The following BMP2K variants were observed in gnomAD, a reference collection of about 807,000 sequenced individuals.
The protein encoded by BMP2K is BMP2 inducible kinase.
Under a neutral mutation model 116.0 loss-of-function variants are expected in BMP2K, and 74 were observed. The observed-to-expected ratio is 0.64, with a 90% CI of 0.53 to 0.77. BMP2K has a LOEUF of 0.77. Among genes scored for constraint, BMP2K ranks in the 30% least tolerant of loss-of-function variants. The pLI, the probability that BMP2K is intolerant of heterozygous loss-of-function variation, is 0.00. For synonymous variants in BMP2K, 486 were observed against 502.5 expected (o/e 0.97, Z 0.44); for missense variants, 1,365 against 1,403.6 (o/e 0.97, Z 0.44).
intron 1 of BMP2K, among the ~76,000 whole-genome samples, chr4:78,822,463 T>C (rs1382826713): frequency 6.6e-6 from 1 of 152,176 alleles, no homozygotes; most frequent in Non-Finnish European, 1.5e-5. Flanking sequence ...ATACCAATTA[T>C]TTTTCTTATT....
intron 8 of BMP2K, among the ~76,000 whole-genome samples, chr4:78,860,947 C>T (rs187999851): frequency 6.6e-6 from 1 of 151,926 alleles, no homozygotes; most frequent in Non-Finnish European, 1.5e-5. Flanking sequence ...GACAAATAAA[C>T]AAGGCCTTCT....
intron 1 of BMP2K, among the ~76,000 whole-genome samples, chr4:78,821,961 A>G (rs1259660387): frequency 6.6e-6 from 1 of 152,242 alleles, no homozygotes; most frequent in East Asian, 1.9e-4. Context: ...ATTGCTTAAT[A>G]GAAGGAATAA....
At chr4:78,802,737 A>G (rs1728626112) in intron 1 of BMP2K, among the ~76,000 whole-genome samples, 2 of 152,000 alleles carry the variant, frequency 1.3e-5, no homozygotes, top group African/African-American at 4.8e-5. Context: ...TGTAGTTTTT[A>G]TGTATACACA....
At chr4:78,875,972 A>G (rs1732612332) in intron 13 of BMP2K, among the ~76,000 whole-genome samples, 1 of 152,138 alleles carries the variant, frequency 6.6e-6, no homozygotes, top group Non-Finnish European at 1.5e-5. Flanking sequence ...CATTTGTTAG[A>G]ATTGAGTCAC....
intron 15 of BMP2K, chr4:78,899,154 T>C (rs1733867125): frequency 6.6e-6 from 1 of 152,242 alleles, no homozygotes; most frequent in Admixed American, 6.5e-5. Flanking sequence ...ACCCCTTCTC[T>C]TAAAGTAAGT....
At chr4:78,876,335 G>T (rs1335843906) in intron 13 of BMP2K, among the ~76,000 whole-genome samples, 1 of 152,092 alleles carries the variant, frequency 6.6e-6, no homozygotes, top group African/African-American at 2.4e-5. Flanking sequence ...TCACACAGAG[G>T]CAGGCTCAGA....
chr4:78,868,119 C>T (rs115037829), intron 10 of BMP2K, among the ~76,000 whole-genome samples: 153 of 152,170 alleles, frequency 1.0e-3, no homozygotes, highest in African/African-American at 3.5e-3. Flanking sequence ...CGTATTAGTT[C>T]GTTTTCATGC....
chr4:78,811,831 A>C (rs1729106594), intron 1 of BMP2K, among the ~76,000 whole-genome samples: 1 of 152,182 alleles, frequency 6.6e-6, no homozygotes, highest in South Asian at 2.1e-4. Flanking sequence ...GCTTACAAAA[A>C]CCCATATTTT....
chr4:78,893,215 C>T (rs1204397394), intron 15 of BMP2K, among the ~76,000 whole-genome samples: 1 of 152,146 alleles, frequency 6.6e-6, no homozygotes, highest in Non-Finnish European at 1.5e-5. Context: ...CTCAAGAAAC[C>T]ACTTCTTTGC....
Position 78,865,375 on chromosome 4 carries a change from A to G in BMP2K, c.1068-182A>G, listed in dbSNP as rs1335402874. Among the ~76,000 whole-genome samples, 20 of 152,038 alleles carry G rather than the reference A, an allele frequency of 1.3e-4. 1 individual carries two copies. Among genetic ancestry groups the G allele is most frequent in the Admixed American group, 1.3e-3 (20 of 15,244 alleles). On this transcript the variant is annotated intron_variant, in intron 9 of 15. Coordinates refer to ENST00000502613, the MANE Select transcript of BMP2K (RefSeq NM_198892.2). ...TGTTTTAAGGAAAATTGTTAGTTTT[A>G]TTTATTTTTCTGTGTTTAGTAAACG...
In BMP2K at chr4:78,793,207, C is replaced by T. The variant is rs990796072; in HGVS notation, c.178+16486C>T. ...CGGGCGGATCACGAGGTCAGGAGAT[C>T]GAGACCATCCTGGCTAACACGGTGA... On this transcript the variant is annotated intron_variant, in intron 1 of 15. Coordinates refer to ENST00000502613, the MANE Select transcript of BMP2K (RefSeq NM_198892.2). Among the ~76,000 whole-genome samples the T allele has an allele frequency of 2.0e-5, 3 of 151,836 alleles. No individual in the cohort carries two copies. The East Asian group carries it at 5.8e-4, about 29-fold the overall frequency.
At chr4:78,820,345 C>G (rs189377774) in intron 1 of BMP2K, among the ~76,000 whole-genome samples, 33 of 152,100 alleles carry the variant, frequency 2.2e-4, no homozygotes, top group Non-Finnish European at 4.4e-5. Context: ...TTAGGGTTTT[C>G]TTGTTATCTT....
In BMP2K at chr4:78,912,050, C is replaced by G; in HGVS notation, c.*17C>G. ...AAACAGTAGATACTTCTGATGGATT[C>G]TCGGCATTAACTCCTGTTTCAAAAA... On this transcript the variant is annotated 3_prime_UTR_variant, in exon 16 of 16. Transcript: ENST00000502613. 6.4e-7 allele frequency: 1 copy of G among 1,564,832 alleles called. No homozygotes were observed. The highest frequency in any genetic ancestry group is 8.7e-7 in the Non-Finnish European group (1 of 1,153,358).
chr4:78,883,236 T>C (rs769744458), intron 14 of BMP2K, among the ~76,000 whole-genome samples: 31 of 152,118 alleles, frequency 2.0e-4, no homozygotes, highest in Non-Finnish European at 4.3e-4. Context: ...AACCAGTCAT[T>C]TGAAAATGTA....
chr4:78,871,970 G>A, intron 12 of BMP2K, 22 bp downstream of exon 12: 1 of 1,507,102 alleles, frequency 6.6e-7, no homozygotes, highest in Non-Finnish European at 9.2e-7. Flanking sequence ...AATTTCTAGA[G>A]ATTTCTCTGA....
intron 5 of BMP2K, among the ~76,000 whole-genome samples, chr4:78,846,744 C>T (rs879737227): frequency 4.0e-5 from 6 of 151,382 alleles, no homozygotes; most frequent in Non-Finnish European, 7.4e-5. Flanking sequence ...CAAGGAAGTA[C>T]GTTAGAGTCC....
chr4:78,871,175 A>G (rs1440307341), intron 11 of BMP2K, 115 bp downstream of exon 11: 1 of 1,490,560 alleles, frequency 6.7e-7, no homozygotes, highest in Non-Finnish European at 9.0e-7. Context: ...TTGAGTAAAC[A>G]CTTTCCCCAA....
intron 15 of BMP2K, among the ~76,000 whole-genome samples, chr4:78,889,784 T>A (rs752366926): frequency 6.6e-6 from 1 of 152,254 alleles, no homozygotes; most frequent in African/African-American, 2.4e-5. Flanking sequence ...CGATAAGCCA[T>A]CTTATTTGAA....
intron 1 of BMP2K, among the ~76,000 whole-genome samples, chr4:78,807,851 A>G (rs2109966584): frequency 6.6e-6 from 1 of 152,106 alleles, no homozygotes; most frequent in East Asian, 1.9e-4. Context: ...TAATGTCAAC[A>G]GTAATATCCC....
Sources: gnomAD v4.1 joint callset for allele counts (sites outside exome capture counted in the v4.1 genomes callset) on GRCh38, gnomAD v4.1.1 for gene constraint, MANE v1.5 for transcripts, NCBI Gene and HGNC (gene_info 2026-07-23, HGNC 2026-07-21) for gene names.